Variants in SNX29 observed in about 807,000 individuals in gnomAD.
The protein encoded by SNX29 is sorting nexin 29.
A neutral mutation model predicts 102.1 loss-of-function variants in SNX29; 78 were observed. The observed-to-expected ratio is 0.76, with a 90% CI of 0.64 to 0.92. The LOEUF (loss-of-function observed/expected upper bound fraction) is 0.92. Among genes scored for constraint, SNX29 ranks in the 40% least tolerant of loss-of-function variants. The pLI, the probability that SNX29 is intolerant of heterozygous loss-of-function variation, is 0.00. For missense variants in SNX29, 1,280 were observed against 1,061.7 expected, an observed-to-expected ratio of 1.21 and a Z score of -2.86; for synonymous variants, 580 against 414.5, an observed-to-expected ratio of 1.40 and a Z score of -4.85.
intron 20 of SNX29, among the ~76,000 whole-genome samples, chr16:12,562,810 T>A (rs952022246): frequency 2.6e-5 from 4 of 152,178 alleles, no homozygotes; most frequent in African/African-American, 4.8e-5. Flanking sequence ...GAACAACTCC[T>A]TTCCCCCCAA....
At chr16:12,378,927 C>G (rs1363370472) in intron 16 of SNX29, among the ~76,000 whole-genome samples, 1 of 152,184 alleles carries the variant, frequency 6.6e-6, no homozygotes, top group Non-Finnish European at 1.5e-5. Context: ...CAGATTCACT[C>G]TGAACCATGT....
chr16:12,531,568 C>T (rs895790353), intron 20 of SNX29, among the ~76,000 whole-genome samples: 1 of 152,044 alleles, frequency 6.6e-6, no homozygotes, highest in African/African-American at 2.4e-5. Context: ...GCAGCAGCGG[C>T]ATTGCCATTC....
At chr16:12,058,797 GTTTTTTTT>G (rs34150245) in intron 8 of SNX29, among the ~76,000 whole-genome samples, 1 of 113,744 alleles carries the variant, frequency 8.8e-6, no homozygotes, top group South Asian at 3.0e-4. Flanking sequence ...CCCGGCCTGG[GTTTTTTTT>G]TTTTTTTTTT....
At chr16:12,444,920 C>T (rs1597399826) in intron 18 of SNX29, among the ~76,000 whole-genome samples, 1 of 149,682 alleles carries the variant, frequency 6.7e-6, no homozygotes, top group African/African-American at 2.5e-5. Flanking sequence ...GGCACGACCT[C>T]AGCTCACTGC....
At chr16:12,521,773 G>A (rs1360949295) in intron 19 of SNX29, among the ~76,000 whole-genome samples, 1 of 152,170 alleles carries the variant, frequency 6.6e-6, no homozygotes, top group African/African-American at 2.4e-5. Flanking sequence ...TTGAAACTTG[G>A]CAACCAAGGA....
In SNX29 at chr16:12,462,003, A is replaced by G. The variant is rs1402357387; in HGVS notation, c.2038-15716A>G. 5.7e-3 allele frequency among the ~76,000 whole-genome samples: 403 copies of G among 70,876 alleles called. 5 individuals are homozygous for G. The highest frequency in any genetic ancestry group is 0.021 in the African/African-American group (253 of 12,270). 46.5% of individuals were successfully genotyped at this position (70,876 alleles called of 152,430 possible). A position where few individuals can be genotyped will look rare whatever the true frequency, so the allele number is the denominator to read the frequency against. On this transcript the variant is annotated intron_variant, in intron 18 of 20. Transcript: ENST00000566228. ...AATATATATATATATATATATATAT[A>G]TATATATATGTATACACACACACAC...
chr16:12,566,722 G>C (rs768757981), intron 20 of SNX29, among the ~76,000 whole-genome samples: 12 of 152,244 alleles, frequency 7.9e-5, no homozygotes, highest in Admixed American at 3.3e-4. Flanking sequence ...TTGAAGAGAG[G>C]ATCATGTTTG....
At chr16:12,458,836 C>T (rs915569090) in intron 18 of SNX29, among the ~76,000 whole-genome samples, 3 of 152,184 alleles carry the variant, frequency 2.0e-5, no homozygotes, top group African/African-American at 7.2e-5. Context: ...AGCACTCACA[C>T]AGGAGAAAAC....
chr16:12,172,091 C>T (rs1212375611), intron 13 of SNX29, among the ~76,000 whole-genome samples: 4 of 152,178 alleles, frequency 2.6e-5, no homozygotes, highest in Non-Finnish European at 5.9e-5. Flanking sequence ...GGAAGTGTTA[C>T]TCTCTGTTTT....
At chr16:12,553,426 A>T (rs958542156) in intron 20 of SNX29, among the ~76,000 whole-genome samples, 3 of 152,200 alleles carry the variant, frequency 2.0e-5, no homozygotes, top group African/African-American at 4.8e-5. Context: ...CAGGTCTGAC[A>T]CACTCCAACC....
In SNX29 at chr16:12,573,251, A is replaced by C. The variant is rs951668483; in HGVS notation, c.*4622A>C. ...CCCATGGTTGTTGAAATGTACCTCGATCAGTCATCTCTGGTATTCCTCACT... is the reference window on the plus strand; with the variant it reads ...CCCATGGTTGTTGAAATGTACCTCGCTCAGTCATCTCTGGTATTCCTCACT... On this transcript the variant is annotated 3_prime_UTR_variant, in exon 21 of 21. Coordinates refer to ENST00000566228, the MANE Select transcript of SNX29 (RefSeq NM_032167.5). 1 of 227,126 alleles carries C rather than the reference A, an allele frequency of 4.4e-6. No homozygotes were observed. The highest frequency in any genetic ancestry group is 5.7e-5 in the Admixed American group (1 of 17,540). The allele number at this position is 227,126 out of a possible 1,614,324, so 14.1% of individuals were successfully genotyped here.
intron 8 of SNX29, among the ~76,000 whole-genome samples, chr16:12,053,445 G>C (rs113787547): frequency 8.6e-5 from 13 of 152,000 alleles, no homozygotes; most frequent in Non-Finnish European, 1.9e-4. Context: ...CTGTAATCCC[G>C]GCACTTTGGG....
At position 12,292,214 on chromosome 16, in the gene SNX29, G is replaced by A. The variant is rs1348556625; in HGVS notation, c.1782+14178G>A. On this transcript the variant is annotated intron_variant, in intron 15 of 20. Coordinates refer to ENST00000566228, the MANE Select transcript of SNX29 (RefSeq NM_032167.5). ...CAGGTGCGAAGGTTTGGCCACCTGG[G>A]CGTGTCAGGTGGCAACTGACTGATA... Among the ~76,000 whole-genome samples, 4 of 152,198 alleles carry A rather than the reference G, an allele frequency of 2.6e-5. No individual in the cohort carries two copies. The East Asian group carries it at 7.7e-4, about 29-fold the overall frequency.
intron 19 of SNX29, among the ~76,000 whole-genome samples, chr16:12,506,116 A>G (rs1265351212): frequency 2.0e-5 from 3 of 152,168 alleles, no homozygotes; most frequent in Non-Finnish European, 4.4e-5. Context: ...ATGTGCCAGC[A>G]CACCTGGCTA....
At chr16:12,417,409 C>T (rs896711597) in intron 18 of SNX29, among the ~76,000 whole-genome samples, 1 of 152,130 alleles carries the variant, frequency 6.6e-6, no homozygotes, top group African/African-American at 2.4e-5. Flanking sequence ...TCTATGAGGG[C>T]CAGGGGCAAT....
intron 15 of SNX29, among the ~76,000 whole-genome samples, chr16:12,339,753 C>A (rs1294329564): frequency 6.6e-6 from 1 of 152,216 alleles, no homozygotes; most frequent in Admixed American, 6.5e-5. Context: ...GAGAGGGTTT[C>A]TCTCCCAGTA....
At chr16:12,552,205 A>C (rs902740495) in intron 20 of SNX29, among the ~76,000 whole-genome samples, 2 of 152,156 alleles carry the variant, frequency 1.3e-5, no homozygotes, top group Non-Finnish European at 2.9e-5. Flanking sequence ...AAGGCAGGGG[A>C]GGGCCGTGGA....
chr16:12,498,314 A>G (rs996177654), intron 19 of SNX29, among the ~76,000 whole-genome samples: 2 of 152,188 alleles, frequency 1.3e-5, no homozygotes, highest in African/African-American at 4.8e-5. Flanking sequence ...AGGCAGGGCC[A>G]GTTACCTTGT....
At chr16:12,015,610 A>C (rs1314529005) in intron 3 of SNX29, among the ~76,000 whole-genome samples, 1 of 149,440 alleles carries the variant, frequency 6.7e-6, no homozygotes, top group African/African-American at 2.5e-5. Flanking sequence ...ATCTTGGCTC[A>C]GTGCAAGCTC....
Sources: allele counts gnomAD v4.1 joint callset (sites outside exome capture counted in the v4.1 genomes callset), GRCh38; gene constraint gnomAD v4.1.1; transcripts MANE v1.5; gene names NCBI Gene and HGNC (gene_info 2026-07-23, HGNC 2026-07-21).